The following PARD3 variants were observed in gnomAD, a reference collection of about 807,000 sequenced individuals.
PARD3 encodes par-3 family cell polarity regulator.
In PARD3, 75 loss-of-function variants were observed where a neutral mutation model predicts 155.4. That is an observed-to-expected ratio of 0.48 (90% CI 0.40 to 0.58). The LOEUF is 0.58. Ranked by LOEUF, PARD3 falls within the 20% of genes least tolerant of loss-of-function variation. The pLI is 0.00. For missense variants in PARD3, 1,642 were observed against 1,721.7 expected (o/e 0.95, Z 0.82); for synonymous variants, 576 against 610.5 (o/e 0.94, Z 0.83).
chr10:34,484,274 T>C (rs1210342043), intron 3 of PARD3, among the ~76,000 whole-genome samples: 6 of 152,222 alleles, frequency 3.9e-5, no homozygotes, highest in African/African-American at 1.4e-4. Context: ...AGTATTAATT[T>C]AGGAGCTACA....
At chr10:34,186,227 G>A (rs935293407) in intron 22 of PARD3, among the ~76,000 whole-genome samples, 3 of 152,054 alleles carry the variant, frequency 2.0e-5, no homozygotes, top group Non-Finnish European at 4.4e-5. Context: ...GGACGGGGTA[G>A]CTCACGCCTG....
chr10:34,594,507 G>A (rs2089052911), intron 2 of PARD3, among the ~76,000 whole-genome samples: 1 of 151,750 alleles, frequency 6.6e-6, no homozygotes, highest in Non-Finnish European at 1.5e-5. Flanking sequence ...GGCTATGCAA[G>A]AGACCAGAAA....
chr10:34,149,398 A>G (rs1948674855), intron 22 of PARD3, among the ~76,000 whole-genome samples: 1 of 152,120 alleles, frequency 6.6e-6, no homozygotes, highest in Admixed American at 6.5e-5. Context: ...ATACTTCTAA[A>G]TTCTATTAAC....
At chr10:34,643,552 T>C (rs1013529093) in intron 2 of PARD3, among the ~76,000 whole-genome samples, 1 of 152,240 alleles carries the variant, frequency 6.6e-6, no homozygotes, top group Non-Finnish European at 1.5e-5. Context: ...TATGTATAAA[T>C]ATATTACCAT....
intron 22 of PARD3, among the ~76,000 whole-genome samples, chr10:34,159,486 G>C (rs996192313): frequency 6.6e-6 from 1 of 152,226 alleles, no homozygotes; most frequent in African/African-American, 2.4e-5. Flanking sequence ...TTACATCCCT[G>C]TAACTCCCAA....
chr10:34,537,328 A>C (rs554271402), intron 2 of PARD3, among the ~76,000 whole-genome samples: 1 of 152,352 alleles, frequency 6.6e-6, no homozygotes, highest in Non-Finnish European at 1.5e-5. Flanking sequence ...TCTCTTGAAG[A>C]CCTAGTCAAT....
chr10:34,273,453 T>C (rs949776299), intron 21 of PARD3, among the ~76,000 whole-genome samples: 2 of 152,182 alleles, frequency 1.3e-5, no homozygotes, highest in Non-Finnish European at 2.9e-5. Flanking sequence ...AGTATGGAGT[T>C]GGTGAACAGG....
At chr10:34,565,529 G>T (rs1490170232) in intron 2 of PARD3, among the ~76,000 whole-genome samples, 1 of 151,994 alleles carries the variant, frequency 6.6e-6, no homozygotes, top group African/African-American at 2.4e-5. Context: ...GGCCTCCCAA[G>T]TGCTGGGATT....
chr10:34,188,413 G>GT (rs111347468), intron 22 of PARD3, among the ~76,000 whole-genome samples: 3 of 152,164 alleles, frequency 2.0e-5, no homozygotes, highest in Admixed American at 6.5e-5. Flanking sequence ...GTAAACAAAC[G>GT]TTTTTTACTT....
chr10:34,344,526 C>T, intron 15 of PARD3: 1 of 902,314 alleles, frequency 1.1e-6, no homozygotes, highest in Non-Finnish European at 1.3e-6. Context: ...AGTTGATCCA[C>T]CTGCCTGGGC....
At chr10:34,485,950 G>T (rs138259586) in intron 3 of PARD3, among the ~76,000 whole-genome samples, 1,826 of 137,172 alleles carry the variant, frequency 0.013, 8 homozygotes, top group Non-Finnish European at 0.019. Context: ...TTGAGACAGG[G>T]TTTTACTTTG....
At chr10:34,674,397 C>G (rs1351497789) in intron 2 of PARD3, among the ~76,000 whole-genome samples, 1 of 152,168 alleles carries the variant, frequency 6.6e-6, no homozygotes, top group South Asian at 2.1e-4. Context: ...AGCGGGTAGC[C>G]CTGCTCTGCG....
chr10:34,796,978 C>G (rs940665275), intron 1 of PARD3, among the ~76,000 whole-genome samples: 1 of 152,100 alleles, frequency 6.6e-6, no homozygotes, highest in Non-Finnish European at 1.5e-5. Context: ...GGGCGAGATT[C>G]CATCTCAAAA....
At chr10:34,340,889 A>G (rs1368024146) in intron 16 of PARD3, among the ~76,000 whole-genome samples, 75 of 152,178 alleles carry the variant, frequency 4.9e-4, no homozygotes, top group Non-Finnish European at 1.5e-4. Flanking sequence ...CCCCAGAGAA[A>G]GGGCAATGAG....
At chr10:34,695,950 T>A (rs2094163019) in intron 2 of PARD3, among the ~76,000 whole-genome samples, 1 of 152,186 alleles carries the variant, frequency 6.6e-6, no homozygotes, top group Non-Finnish European at 1.5e-5. Context: ...GAATGCAGAA[T>A]GGCTGCATGT....
In PARD3 at chr10:34,447,899, G is replaced by C. The variant is rs184159924; in HGVS notation, c.714+2418C>G. ...ATACTGCTGGTGGTAATGTAAATTA[G>C]GACAGCCTCTATGAAACAGTAAGAA... On this transcript the variant is annotated intron_variant, in intron 5 of 24. Coordinates refer to ENST00000374788, the MANE Select transcript of PARD3 (RefSeq NM_001184785.2). Among the ~76,000 whole-genome samples the C allele has an allele frequency of 2.9e-3, 447 of 152,160 alleles. 3 individuals carry two copies. Among genetic ancestry groups the C allele is most frequent in the African/African-American group, 0.01 (418 of 41,502 alleles).
At chr10:34,123,595 T>G (rs1166371879) in intron 23 of PARD3, among the ~76,000 whole-genome samples, 1 of 152,044 alleles carries the variant, frequency 6.6e-6, no homozygotes, top group East Asian at 1.9e-4. Context: ...CTGGTTAATT[T>G]TTTTTTTCTT....
chr10:34,481,860 T>A (rs1050836183), intron 3 of PARD3, among the ~76,000 whole-genome samples: 5 of 151,612 alleles, frequency 3.3e-5, no homozygotes, highest in African/African-American at 9.7e-5. Context: ...TGAGACAGGG[T>A]CTTGCTCTGT....
intron 1 of PARD3, among the ~76,000 whole-genome samples, chr10:34,752,345 A>G (rs1836153946): frequency 6.6e-6 from 1 of 152,124 alleles, no homozygotes; most frequent in Non-Finnish European, 1.5e-5. Context: ...TCCCATCCCC[A>G]GTTCAAACCT....
Sources: gnomAD v4.1 joint callset for allele counts (sites outside exome capture counted in the v4.1 genomes callset) on GRCh38, gnomAD v4.1.1 for gene constraint, MANE v1.5 for transcripts, NCBI Gene and HGNC (gene_info 2026-07-23, HGNC 2026-07-21) for gene names.